The following IMMP2L variants were observed in gnomAD, a reference collection of about 807,000 sequenced individuals.
IMMP2L encodes inner mitochondrial membrane peptidase subunit 2.
A neutral mutation model predicts 19.3 loss-of-function variants in IMMP2L; 18 were observed. The observed-to-expected ratio is 0.93, with a 90% CI of 0.64 to 1.38. The LOEUF (loss-of-function observed/expected upper bound fraction) is 1.38, where lower values mean the gene tolerates loss of function less well. Ranked by LOEUF, IMMP2L falls within the 40% of genes most tolerant of loss-of-function variation. IMMP2L has a pLI of 0.00. For synonymous variants in IMMP2L, 76 were observed against 73.0 expected (o/e 1.04, Z -0.21); for missense variants, 233 against 218.2 (o/e 1.07, Z -0.43).
At chr7:110,853,979 T>C (rs1214859968) in intron 5 of IMMP2L, among the ~76,000 whole-genome samples, 1 of 151,958 alleles carries the variant, frequency 6.6e-6, no homozygotes, top group African/African-American at 2.4e-5. Context: ...CTGTTCTCAA[T>C]TTAGACAGAA....
In IMMP2L at chr7:111,071,218, A is replaced by T. The variant is rs559986075; in HGVS notation, c.240-107653T>A. 2.3e-4 allele frequency among the ~76,000 whole-genome samples: 35 copies of T among 152,282 alleles called. 1 individual carries two copies. Among genetic ancestry groups the T allele is most frequent in the African/African-American group, 8.4e-4 (35 of 41,572 alleles). On this transcript the variant is annotated intron_variant, in intron 3 of 5. Coordinates refer to ENST00000405709, the MANE Select transcript of IMMP2L (RefSeq NM_032549.4). Reference sequence around the variant, plus strand: ...TAAGAATTTTTAAATCCCCACACATACAAAAACAAAAAATAAAGACTACTG... The same window carrying T: ...TAAGAATTTTTAAATCCCCACACATTCAAAAACAAAAAATAAAGACTACTG...
At chr7:110,753,780 G>GTGT (rs1562956760) in intron 5 of IMMP2L, among the ~76,000 whole-genome samples, 1 of 151,222 alleles carries the variant, frequency 6.6e-6, no homozygotes, top group African/African-American at 2.4e-5. Flanking sequence ...GTGTGTGTGT[G>GTGT]GTTAGTAGAA....
Position 110,791,527 on chromosome 7 carries a change from C to T in IMMP2L, c.408+95066G>A, listed in dbSNP as rs555742286. ...CATATGAATCCTTTAGATTTTTATCCTACCCATTTTTGAGATTTTCAGGGA... is the reference window on the plus strand; with the variant it reads ...CATATGAATCCTTTAGATTTTTATCTTACCCATTTTTGAGATTTTCAGGGA... On this transcript the variant is annotated intron_variant, in intron 5 of 5. Transcript: ENST00000405709. 1.4e-4 allele frequency among the ~76,000 whole-genome samples: 21 copies of T among 151,286 alleles called. 1 individual carries two copies. The South Asian group carries it at 4.4e-3, about 32-fold the overall frequency.
At chr7:110,873,061 C>T (rs71572827) in intron 5 of IMMP2L, among the ~76,000 whole-genome samples, 2 of 152,198 alleles carry the variant, frequency 1.3e-5, no homozygotes, top group Non-Finnish European at 2.9e-5. Flanking sequence ...ATTTCTCTCT[C>T]TGCTAGGTGA....
chr7:111,490,310 G>C (rs1317700334), intron 2 of IMMP2L, among the ~76,000 whole-genome samples: 1 of 148,666 alleles, frequency 6.7e-6, no homozygotes, highest in Non-Finnish European at 1.5e-5. Flanking sequence ...GAGATGGGAG[G>C]GTCTTGCTAT....
intron 3 of IMMP2L, among the ~76,000 whole-genome samples, chr7:111,077,444 T>C (rs1322516442): frequency 2.0e-5 from 3 of 152,250 alleles, no homozygotes; most frequent in Admixed American, 1.3e-4. Flanking sequence ...CTGTCTACTA[T>C]GATGTAGAAG....
At chr7:111,549,936 G>C (rs1239193072) in intron 1 of IMMP2L, among the ~76,000 whole-genome samples, 2 of 142,090 alleles carry the variant, frequency 1.4e-5, no homozygotes, top group Non-Finnish European at 3.0e-5. Flanking sequence ...GCGAGACTCC[G>C]TGTCAAAAAA....
At chr7:110,990,529 C>T (rs777825698) in intron 3 of IMMP2L, among the ~76,000 whole-genome samples, 1 of 152,194 alleles carries the variant, frequency 6.6e-6, no homozygotes, top group Admixed American at 6.5e-5. Context: ...CCTTGCCATA[C>T]TTCTTTTTCA....
intron 3 of IMMP2L, among the ~76,000 whole-genome samples, chr7:111,254,086 A>G (rs916476866): frequency 6.6e-6 from 1 of 152,150 alleles, no homozygotes; most frequent in Non-Finnish European, 1.5e-5. Context: ...GTTACCTCTT[A>G]TTTGAGCTAA....
At chr7:110,929,944 G>T (rs959861949) in intron 4 of IMMP2L, among the ~76,000 whole-genome samples, 2 of 151,976 alleles carry the variant, frequency 1.3e-5, no homozygotes, top group African/African-American at 4.8e-5. Context: ...GATGGGGGAA[G>T]ATAACTGCTA....
At chr7:111,317,688 A>G (rs4730486) in intron 3 of IMMP2L, among the ~76,000 whole-genome samples, 69,662 of 151,940 alleles carry the variant, frequency 0.46, 16,477 homozygotes, top group Non-Finnish European at 0.52. Flanking sequence ...GGCTGCTACA[A>G]ACAATCTGTC....
chr7:111,435,703 C>T (rs190215214), intron 3 of IMMP2L, among the ~76,000 whole-genome samples: 4 of 151,904 alleles, frequency 2.6e-5, no homozygotes, highest in East Asian at 3.9e-4. Context: ...ATTGGACAAG[C>T]GATTTTAATA....
chr7:110,673,787 C>G (rs190250546), intron 5 of IMMP2L, among the ~76,000 whole-genome samples: 2 of 152,270 alleles, frequency 1.3e-5, no homozygotes, highest in Admixed American at 1.3e-4. Context: ...ATATCACTAA[C>G]AGTATTTTGC....
chr7:111,110,304 A>C (rs1386143373), intron 3 of IMMP2L, among the ~76,000 whole-genome samples: 1 of 152,226 alleles, frequency 6.6e-6, no homozygotes, highest in Non-Finnish European at 1.5e-5. Flanking sequence ...CAGTCATTAA[A>C]GAAAACCTCA....
At chr7:110,963,049 C>T (rs532214101) in intron 4 of IMMP2L, 11 of 1,526,266 alleles carry the variant, frequency 7.2e-6, no homozygotes, top group African/African-American at 1.4e-5. Context: ...GTCACTGATT[C>T]GGAAGTTTCT....
intron 3 of IMMP2L, among the ~76,000 whole-genome samples, chr7:110,983,292 G>C (rs1821497715): frequency 6.6e-6 from 1 of 151,908 alleles, no homozygotes; most frequent in Non-Finnish European, 1.5e-5. Context: ...AAGGTAACAT[G>C]GATATAAATA....
intron 5 of IMMP2L, among the ~76,000 whole-genome samples, chr7:110,779,927 G>A (rs1188254251): frequency 1.3e-5 from 2 of 151,804 alleles, no homozygotes; most frequent in Non-Finnish European, 2.9e-5. Context: ...TTGATTTAAA[G>A]AAAGAGGAAA....
chr7:111,396,453 G>A (rs915565989), intron 3 of IMMP2L, among the ~76,000 whole-genome samples: 2 of 152,054 alleles, frequency 1.3e-5, no homozygotes, highest in African/African-American at 4.8e-5. Flanking sequence ...TGAACAATGA[G>A]AACACATGGA....
chr7:111,445,821 A>C (rs560042262), intron 3 of IMMP2L, among the ~76,000 whole-genome samples: 1 of 152,300 alleles, frequency 6.6e-6, no homozygotes, highest in Admixed American at 6.5e-5. Flanking sequence ...AGGGAGTGCC[A>C]GACAGTGGGC....
Sources: allele counts gnomAD v4.1 joint callset (sites outside exome capture counted in the v4.1 genomes callset), GRCh38; gene constraint gnomAD v4.1.1; transcripts MANE v1.5; gene names NCBI Gene and HGNC (gene_info 2026-07-23, HGNC 2026-07-21).